The following EPN2 variants were observed in gnomAD, a reference collection of about 807,000 sequenced individuals.
EPN2 encodes epsin 2, also known as epsin-2.
Under a neutral mutation model 61.7 loss-of-function variants are expected in EPN2, and 34 were observed. The ratio of observed to expected loss-of-function variants is 0.55; its 90% CI spans 0.42 to 0.73. The LOEUF is 0.73. Among genes scored for constraint, EPN2 ranks in the 30% least tolerant of loss-of-function variants. EPN2 has a pLI of 0.00. For synonymous variants in EPN2, 349 were observed against 353.6 expected (o/e 0.99, Z 0.15); for missense variants, 714 against 839.2 (o/e 0.85, Z 1.84).
intron 1 of EPN2, among the ~76,000 whole-genome samples, chr17:19,281,255 T>C (rs1305036302): frequency 6.6e-6 from 1 of 152,228 alleles, no homozygotes; most frequent in Non-Finnish European, 1.5e-5. Context: ...GCCTTGGTCT[T>C]TCTGGTAACC....
rs758433554 is a variant in EPN2, at chr17:19,285,787, C to T, written c.763C>T (p.Arg255Ter). 9 of 1,585,780 alleles carry T rather than the reference C, an allele frequency of 5.7e-6. No homozygotes were observed. Among genetic ancestry groups the T allele is most frequent in the East Asian group, 2.3e-5 (1 of 43,666 alleles). Residue 255 changes from arginine (R) to a stop codon, truncating the protein, a stop_gained, in exon 4 of 11, where the codon CGA (arginine) becomes TGA (stop). Coordinates refer to ENST00000314728, the MANE Select transcript of EPN2 (RefSeq NM_014964.5). LOFTEE classifies it high-confidence loss of function. This position sits in a 1 kb window ranked among gnomAD's most constrained non-coding sequence, Gnocchi z 4.5. ...CTGCCTCACTTGTGACCGCGCAGCCCGAGGTGGGACGGCGGTTTGCTTTTT... is the reference window on the plus strand; with the variant it reads ...CTGCCTCACTTGTGACCGCGCAGCCTGAGGTGGGACGGCGGTTTGCTTTTT... ...QPCLTCDRAA[R>*]ATSPRVSSEL...
Position 19,239,982 on chromosome 17 carries a change from C to CT in EPN2, c.-294+2464dup, listed in dbSNP as rs11407047. On this transcript the variant is annotated intron_variant, in intron 1 of 10. Transcript: ENST00000314728. Reference sequence around the variant, plus strand: ...CTGCAAAAGTTGAAAAGTTTTCGGACTTTTTTTTTTTTTAACTTTAATTAG... The same window carrying CT: ...CTGCAAAAGTTGAAAAGTTTTCGGACTTTTTTTTTTTTTTAACTTTAATTAG... Among the ~76,000 whole-genome samples, 453 of 144,786 alleles carry CT rather than the reference C, an allele frequency of 3.1e-3. 6 individuals carry two copies. The highest frequency in any genetic ancestry group is 9.0e-3 in the African/African-American group (355 of 39,520). The allele number at this position is 144,786 out of a possible 152,430, so 95.0% of individuals were successfully genotyped here. A position where few individuals can be genotyped will look rare whatever the true frequency, so the allele number is the denominator to read the frequency against.
At chr17:19,247,091 T>C (rs549190231) in intron 1 of EPN2, among the ~76,000 whole-genome samples, 1 of 152,276 alleles carries the variant, frequency 6.6e-6, no homozygotes, top group South Asian at 2.1e-4. Context: ...TTTTTGATAC[T>C]CAGAGCTGTC....
intron 7 of EPN2, among the ~76,000 whole-genome samples, chr17:19,323,220 G>C (rs1171493641): frequency 6.6e-6 from 1 of 152,192 alleles, no homozygotes; most frequent in Non-Finnish European, 1.5e-5. Flanking sequence ...AAGTCAAGGG[G>C]GGGATTCCAG....
intron 4 of EPN2, among the ~76,000 whole-genome samples, chr17:19,295,373 TGCGC>T (rs75073631): frequency 6.9e-6 from 1 of 144,222 alleles, no homozygotes; most frequent in East Asian, 2.0e-4. Context: ...CACACGCGCG[TGCGC>T]GCAAAATAGC....
chr17:19,329,747 G>T (rs779260768), intron 9 of EPN2, 100 bp downstream of exon 9: 3 of 693,690 alleles, frequency 4.3e-6, no homozygotes, highest in Non-Finnish European at 7.4e-6. Flanking sequence ...TCAGCTTCCT[G>T]CATTTTCTTT....
At chr17:19,251,354 GCT>G (rs1327309349) in intron 1 of EPN2, among the ~76,000 whole-genome samples, 2 of 152,156 alleles carry the variant, frequency 1.3e-5, no homozygotes, top group African/African-American at 2.4e-5. Flanking sequence ...CTGGAGGTGA[GCT>G]CTCTTTGCAC....
chr17:19,324,781 A>G (rs1906794393), intron 7 of EPN2, among the ~76,000 whole-genome samples: 1 of 152,250 alleles, frequency 6.6e-6, no homozygotes, highest in Admixed American at 6.5e-5. Flanking sequence ...TTATAAGGAT[A>G]AAGATAGAAA....
intron 4 of EPN2, chr17:19,303,820 G>A (rs1905668476): frequency 6.6e-6 from 1 of 152,148 alleles, no homozygotes; most frequent in African/African-American, 2.4e-5. Context: ...ATTACCTGGT[G>A]TAGTCCGGGT....
chr17:19,261,992 A>G (rs2045146170), intron 1 of EPN2, among the ~76,000 whole-genome samples: 1 of 152,228 alleles, frequency 6.6e-6, no homozygotes, highest in African/African-American at 2.4e-5. Context: ...GTTCGAGACC[A>G]GCCTGGCCAA....
At chr17:19,310,890 T>C (rs1198834937) in intron 5 of EPN2, among the ~76,000 whole-genome samples, 1 of 152,146 alleles carries the variant, frequency 6.6e-6, no homozygotes, top group Non-Finnish European at 1.5e-5. Context: ...CATTTTTCTT[T>C]AGTAAGCATG....
At chr17:19,329,682 C>G (rs759297237) in intron 9 of EPN2, 35 bp downstream of exon 9, 1 of 1,268,644 alleles carries the variant, frequency 7.9e-7, no homozygotes, top group Admixed American at 1.8e-5. Context: ...CATAATCCTC[C>G]GTGCATTTGA....
rs112126617 is a variant in EPN2 at position 19,263,043 on chromosome 17, G to A, written c.-293-18912G>A. On this transcript the variant is annotated intron_variant, in intron 1 of 10. Transcript: ENST00000314728. ...CGTGAGTAACACAGCTGTGAACATG[G>A]TACATGAGTCCCTGTGTAGACATGC... Among the ~76,000 whole-genome samples the A allele has an allele frequency of 3.3e-3, 499 of 152,302 alleles. 1 individual carries two copies. The highest frequency in any genetic ancestry group is 5.0e-3 in the Non-Finnish European group (341 of 68,024).
At position 19,293,510 on chromosome 17, in the gene EPN2, A is replaced by G. The variant is rs188602424; in HGVS notation, c.766+7720A>G. The stretch of plus-strand genomic sequence containing the variant: ...CTTAACCTCCTGGGTTGCTGAGACT[A>G]CAGGTGCATGCCACCATACCCAGCT... On this transcript the variant is annotated intron_variant, in intron 4 of 10. Coordinates refer to ENST00000314728, the MANE Select transcript of EPN2 (RefSeq NM_014964.5). Among the ~76,000 whole-genome samples the G allele has an allele frequency of 9.1e-3, 1,324 of 145,842 alleles. 10 individuals carry two copies. Among genetic ancestry groups the G allele is most frequent in the African/African-American group, 0.031 (1,224 of 39,138 alleles).
intron 10 of EPN2, among the ~76,000 whole-genome samples, chr17:19,333,589 C>T (rs771629770): frequency 6.6e-6 from 1 of 152,152 alleles, no homozygotes; most frequent in South Asian, 2.1e-4. Flanking sequence ...CTGCCAGTCC[C>T]ATGTCCCTTT....
In EPN2 at chr17:19,283,938, G is replaced by A. The variant is rs935917524; in HGVS notation, c.595+224G>A. 6.6e-6 allele frequency among the ~76,000 whole-genome samples: 1 copy of A among 152,132 alleles called. No homozygotes were observed. Among genetic ancestry groups the A allele is most frequent in the Non-Finnish European group, 1.5e-5 (1 of 68,022 alleles). On this transcript the variant is annotated intron_variant, in intron 3 of 10. Transcript: ENST00000314728. The surrounding 1 kb of genome is among the most constrained non-coding windows in gnomAD (Gnocchi z 7.0). ...CTGCTCTGGTTCAGGGATCTCTAAC[G>A]CCCTTTGCTGCTCTGGGCCTCATTC...
intron 1 of EPN2, chr17:19,276,360 A>ATTTTTTTTTTTTTTTTTTTT (rs140536354): frequency 1.3e-5 from 1 of 79,920 alleles, no homozygotes; most frequent in African/African-American, 5.2e-5. Context: ...GCTAATTAAA[A>ATTTTTTTTTTTTTTTTTTTT]TTTTTTTTTT....
chr17:19,330,836 A>G (rs937235908), intron 9 of EPN2, among the ~76,000 whole-genome samples: 2 of 152,278 alleles, frequency 1.3e-5, no homozygotes, highest in African/African-American at 4.8e-5. Context: ...GTCTCTACAA[A>G]AAAATTAAAA....
chr17:19,321,432 T>G (rs140050295), intron 7 of EPN2, among the ~76,000 whole-genome samples: 323 of 152,124 alleles, frequency 2.1e-3, no homozygotes, highest in African/African-American at 7.2e-3. Context: ...GGGACTGGAG[T>G]TGGGGACACT....
Sources: gnomAD v4.1 joint callset for allele counts (sites outside exome capture counted in the v4.1 genomes callset) on GRCh38, gnomAD v4.1.1 for gene constraint, Gnocchi (gnomAD v3.1) non-coding constraint, MANE v1.5 for transcripts, NCBI Gene and HGNC (gene_info 2026-07-23, HGNC 2026-07-21) for gene names.